PCDH9: variants seen among roughly 807,000 people sequenced by gnomAD.
PCDH9 encodes protocadherin-9.
Under a neutral mutation model 70.6 loss-of-function variants are expected in PCDH9, and 24 were observed. That is an observed-to-expected ratio of 0.34 (90% CI 0.25 to 0.48). PCDH9 has a LOEUF of 0.48. Among genes scored for constraint, PCDH9 ranks in the 20% least tolerant of loss-of-function variants. PCDH9 has a pLI of 0.99. For synonymous variants in PCDH9, 562 were observed against 558.5 expected (o/e 1.01, Z -0.09); for missense variants, 1,281 against 1,503.6 (o/e 0.85, Z 2.45).
rs1185053272 is a variant in PCDH9, at chr13:66,303,456, C to T, written c.*1199G>A. The T allele has an allele frequency of 6.6e-6, 1 of 152,500 alleles. No individual in the cohort carries two copies. Among genetic ancestry groups the T allele is most frequent in the Non-Finnish European group, 1.5e-5 (1 of 67,988 alleles). The allele number at this position is 152,500 out of a possible 1,614,324, so 9.4% of individuals were successfully genotyped here. A position where few individuals can be genotyped will look rare whatever the true frequency, so the allele number is the denominator to read the frequency against. ...ACCCTACCTGGAGAATGTTCTGTTA[C>T]ATCATGAAGGCACAACACATTAAAT... On this transcript the variant is annotated 3_prime_UTR_variant, in exon 5 of 5. Coordinates refer to ENST00000377865, the MANE Select transcript of PCDH9 (RefSeq NM_203487.3).
intron 2 of PCDH9, among the ~76,000 whole-genome samples, chr13:66,921,890 T>C (rs529888455): frequency 6.6e-6 from 1 of 151,446 alleles, no homozygotes; most frequent in East Asian, 1.9e-4. Context: ...ATTCAAGTCA[T>C]TAGTAGCTGA....
intron 2 of PCDH9, among the ~76,000 whole-genome samples, chr13:67,072,797 T>C (rs1292587982): frequency 2.0e-5 from 3 of 152,170 alleles, no homozygotes; most frequent in African/African-American, 7.2e-5. Flanking sequence ...TGTTCTGTTA[T>C]ATAATAATGC....
intron 4 of PCDH9, among the ~76,000 whole-genome samples, chr13:66,499,468 ACTT>A (rs200248149): frequency 6.6e-6 from 1 of 152,210 alleles, no homozygotes; most frequent in South Asian, 2.1e-4. Flanking sequence ...TGACCTGCAC[ACTT>A]CTTGAGATGG....
chr13:66,619,233 G>A (rs1286883124), intron 4 of PCDH9, among the ~76,000 whole-genome samples: 1 of 152,116 alleles, frequency 6.6e-6, no homozygotes, highest in South Asian at 2.1e-4. Context: ...TAATATTGAA[G>A]AATTCCTTTA....
intron 3 of PCDH9, among the ~76,000 whole-genome samples, chr13:66,898,321 T>C (rs1452416593): frequency 6.6e-6 from 1 of 151,796 alleles, no homozygotes; most frequent in African/African-American, 2.4e-5. Context: ...AGCCTTGGGG[T>C]TTTCCAAAAA....
At chr13:66,599,962 C>T (rs917470794) in intron 4 of PCDH9, among the ~76,000 whole-genome samples, 32 of 151,766 alleles carry the variant, frequency 2.1e-4, no homozygotes, top group African/African-American at 6.0e-4. Flanking sequence ...ATCTTCTTGA[C>T]TGATAGGATA....
At chr13:66,838,539 T>C (rs962977416) in intron 3 of PCDH9, among the ~76,000 whole-genome samples, 1 of 152,030 alleles carries the variant, frequency 6.6e-6, no homozygotes, top group African/African-American at 2.4e-5. Context: ...AGCTAAAATG[T>C]ATTTGATATA....
intron 3 of PCDH9, among the ~76,000 whole-genome samples, chr13:66,854,894 G>A (rs2081369556): frequency 6.6e-6 from 1 of 152,068 alleles, no homozygotes; most frequent in Non-Finnish European, 1.5e-5. Flanking sequence ...TTGATATATG[G>A]AAATGTAATC....
chr13:67,183,136 T>C (rs1388660306), intron 2 of PCDH9, among the ~76,000 whole-genome samples: 1 of 152,140 alleles, frequency 6.6e-6, no homozygotes, highest in Non-Finnish European at 1.5e-5. Flanking sequence ...GCACTTTAAG[T>C]ACTTCTGAAC....
At chr13:67,118,473 A>C (rs932961828) in intron 2 of PCDH9, among the ~76,000 whole-genome samples, 1 of 152,182 alleles carries the variant, frequency 6.6e-6, no homozygotes, top group Non-Finnish European at 1.5e-5. Context: ...CAACAGTTTT[A>C]TTTGGTAATA....
intron 4 of PCDH9, among the ~76,000 whole-genome samples, chr13:66,561,881 A>G (rs1962060518): frequency 2.0e-5 from 3 of 151,936 alleles, no homozygotes. Context: ...CCTCTTCCAC[A>G]CTGTGGAAGC....
rs1401166143 is a variant in PCDH9 at position 66,877,390 on chromosome 13, T to A, written c.3138+26114A>T. On this transcript the variant is annotated intron_variant, in intron 3 of 4. Coordinates refer to ENST00000377865, the MANE Select transcript of PCDH9 (RefSeq NM_203487.3). Reference sequence around the variant, plus strand: ...TCTCCTAGAAGGTTTAGTGGTTTTTTTTTTTTGTTATTATTTTTTTAAACC... The same window carrying A: ...TCTCCTAGAAGGTTTAGTGGTTTTTATTTTTTGTTATTATTTTTTTAAACC... Among the ~76,000 whole-genome samples the A allele has an allele frequency of 2.0e-5, 3 of 151,754 alleles. 1 individual carries two copies. Among genetic ancestry groups the A allele is most frequent in the Non-Finnish European group, 2.9e-5 (2 of 67,940 alleles).
intron 4 of PCDH9, among the ~76,000 whole-genome samples, chr13:66,424,940 T>C (rs187078065): frequency 6.6e-5 from 10 of 151,962 alleles, no homozygotes; most frequent in African/African-American, 2.4e-4. Context: ...TCACCAGTGA[T>C]ACCTGCAATT....
chr13:66,454,844 A>G (rs1594008403), intron 4 of PCDH9, among the ~76,000 whole-genome samples: 1 of 152,184 alleles, frequency 6.6e-6, no homozygotes, highest in Non-Finnish European at 1.5e-5. Context: ...ACTTCAAGTT[A>G]CCTGCCCACC....
chr13:67,082,255 T>A (rs1015932980), intron 2 of PCDH9, among the ~76,000 whole-genome samples: 1 of 152,182 alleles, frequency 6.6e-6, no homozygotes, highest in Non-Finnish European at 1.5e-5. Context: ...TACTTCCTCC[T>A]GCTCCCAGCG....
intron 2 of PCDH9, among the ~76,000 whole-genome samples, chr13:67,058,074 A>G (rs1247414300): frequency 2.0e-5 from 3 of 152,132 alleles, no homozygotes; most frequent in African/African-American, 7.2e-5. Flanking sequence ...CAGAGTTCTT[A>G]TACGTTATAT....
chr13:66,429,657 C>T (rs926262395), intron 4 of PCDH9, among the ~76,000 whole-genome samples: 4 of 151,404 alleles, frequency 2.6e-5, no homozygotes, highest in African/African-American at 9.7e-5. Flanking sequence ...GGACATCATT[C>T]ATAATGTCAG....
intron 4 of PCDH9, among the ~76,000 whole-genome samples, chr13:66,576,245 T>C (rs2076813525): frequency 6.6e-6 from 1 of 152,048 alleles, no homozygotes. Context: ...ATATATATAT[T>C]CCAAAAATGT....
At chr13:66,770,076 A>G (rs2079782332) in intron 3 of PCDH9, among the ~76,000 whole-genome samples, 1 of 152,158 alleles carries the variant, frequency 6.6e-6, no homozygotes, top group African/African-American at 2.4e-5. Flanking sequence ...TACACTGGGA[A>G]ATAGGGTTGC....
Sources: allele counts gnomAD v4.1 joint callset (sites outside exome capture counted in the v4.1 genomes callset), GRCh38; gene constraint gnomAD v4.1.1; transcripts MANE v1.5; gene names NCBI Gene and HGNC (gene_info 2026-07-23, HGNC 2026-07-21).